Variants in TCF7L2 observed in about 807,000 individuals in gnomAD.
TCF7L2 encodes transcription factor 7-like 2.
A neutral mutation model predicts 77.9 loss-of-function variants in TCF7L2; 23 were observed. The observed-to-expected ratio is 0.30, with a 90% CI of 0.21 to 0.42. The LOEUF (loss-of-function observed/expected upper bound fraction) is 0.42. Ranked by LOEUF, TCF7L2 falls within the 10% of genes least tolerant of loss-of-function variation. TCF7L2 has a pLI of 1.00. For missense variants in TCF7L2, 654 were observed against 793.1 expected, an observed-to-expected ratio of 0.82 and a Z score of 2.11; for synonymous variants, 413 against 340.2, an observed-to-expected ratio of 1.21 and a Z score of -2.36.
intron 5 of TCF7L2, among the ~76,000 whole-genome samples, chr10:113,066,895 G>A (rs1365249021): frequency 6.6e-6 from 1 of 152,214 alleles, no homozygotes; most frequent in Non-Finnish European, 1.5e-5. Flanking sequence ...CCACATTCCA[G>A]TCTCACCTTA....
At chr10:113,125,261 C>G (rs2065400242) in intron 5 of TCF7L2, among the ~76,000 whole-genome samples, 1 of 150,870 alleles carries the variant, frequency 6.6e-6, no homozygotes, top group Non-Finnish European at 1.5e-5. Flanking sequence ...AAAAAGTCGT[C>G]TTTTTCTTTA....
At position 113,158,655 on chromosome 10, in the gene TCF7L2, CT is replaced by C. The variant is rs761045930; in HGVS notation, c.1318+594del. On this transcript the variant is annotated intron_variant, in intron 12 of 13. Coordinates refer to ENST00000627217, the MANE Select transcript of TCF7L2 (RefSeq NM_001146274.2). Reference sequence around the variant, plus strand: ...TTTTGAAGGCTTTGTATAATTTGTTCTTTTTTTTCAGAACACAGCGAATGTT... The same window carrying C: ...TTTTGAAGGCTTTGTATAATTTGTTCTTTTTTTCAGAACACAGCGAATGTT... The C allele has an allele frequency of 6.2e-7, 1 of 1,612,608 alleles. No individual in the cohort carries two copies. The highest frequency in any genetic ancestry group is 1.1e-5 in the South Asian group (1 of 90,896).
At chr10:113,014,297 G>A (rs1270980149) in intron 4 of TCF7L2, among the ~76,000 whole-genome samples, 1 of 152,186 alleles carries the variant, frequency 6.6e-6, no homozygotes, top group African/African-American at 2.4e-5. Context: ...GGGGGCTTCA[G>A]GGACCCATGA....
chr10:113,120,997 T>A (rs2064675056), intron 5 of TCF7L2, among the ~76,000 whole-genome samples: 1 of 152,172 alleles, frequency 6.6e-6, no homozygotes, highest in African/African-American at 2.4e-5. Flanking sequence ...TCTTCTAATC[T>A]AAGGAGTATT....
chr10:112,965,627 ATATG>A (rs1353222068), intron 4 of TCF7L2, among the ~76,000 whole-genome samples: 12 of 68,190 alleles, frequency 1.8e-4, no homozygotes, highest in South Asian at 8.7e-4. Context: ...GTGTGTGTGT[ATATG>A]TGTGTGTGTG....
intron 6 of TCF7L2, 73 bp from the exon 7 acceptor site, chr10:113,143,850 G>C: frequency 1.8e-6 from 2 of 1,114,448 alleles, no homozygotes; most frequent in Non-Finnish European, 2.7e-6. Context: ...TCCTTTCCCT[G>C]TTCCCATCCC....
At chr10:113,092,563 A>G (rs1462477625) in intron 5 of TCF7L2, among the ~76,000 whole-genome samples, 5 of 152,202 alleles carry the variant, frequency 3.3e-5, no homozygotes, top group Non-Finnish European at 5.9e-5. Context: ...ATTCACATGT[A>G]ACATTCCTAG....
chr10:113,038,349 G>A (rs1472616409), intron 4 of TCF7L2, among the ~76,000 whole-genome samples: 1 of 152,130 alleles, frequency 6.6e-6, no homozygotes, highest in African/African-American at 2.4e-5. Flanking sequence ...TGCTCACCAC[G>A]GGAGGCCTCT....
chr10:113,038,882 G>T (rs1295784221), intron 4 of TCF7L2, among the ~76,000 whole-genome samples: 1 of 152,116 alleles, frequency 6.6e-6, no homozygotes, highest in Admixed American at 6.5e-5. Flanking sequence ...AGTGTTCATT[G>T]AGTAAAGTTT....
At chr10:112,993,521 AAAG>A (rs1406861704) in intron 4 of TCF7L2, among the ~76,000 whole-genome samples, 1 of 152,038 alleles carries the variant, frequency 6.6e-6, no homozygotes, top group Non-Finnish European at 1.5e-5. Context: ...AAGAAAAAAA[AAAG>A]AAAATGCTTT....
At position 113,012,171 on chromosome 10, in the gene TCF7L2, C is replaced by T. The variant is rs72826080; in HGVS notation, c.451-27854C>T. Among the ~76,000 whole-genome samples, 1,052 of 152,292 alleles carry T rather than the reference C, an allele frequency of 6.9e-3. 7 individuals carry two copies. The highest frequency in any genetic ancestry group is 9.8e-3 in the Non-Finnish European group (670 of 68,034). On this transcript the variant is annotated intron_variant, in intron 4 of 13. Coordinates refer to ENST00000627217, the MANE Select transcript of TCF7L2 (RefSeq NM_001146274.2). ...AAATTCTAACGCCCAGGTCACATCC[C>T]ATTCCAACTAGATCAGAACATCTGG...
chr10:113,003,295 T>G (rs1302020877), intron 4 of TCF7L2, among the ~76,000 whole-genome samples: 1 of 152,196 alleles, frequency 6.6e-6, no homozygotes, highest in South Asian at 2.1e-4. Flanking sequence ...TTTTGATGCC[T>G]TCTCTTTGTG....
chr10:113,068,547 G>A (rs2057543583), intron 5 of TCF7L2, among the ~76,000 whole-genome samples: 2 of 152,142 alleles, frequency 1.3e-5, no homozygotes, highest in African/African-American at 2.4e-5. Flanking sequence ...TCGCAGAGAT[G>A]GACACCAGAA....
intron 5 of TCF7L2, among the ~76,000 whole-genome samples, chr10:113,125,222 T>G (rs1286561951): frequency 1.4e-5 from 2 of 145,842 alleles, no homozygotes; most frequent in African/African-American, 5.2e-5. Context: ...TCTGTTCTTT[T>G]TTTAAAAAGA....
chr10:113,019,829 G>T (rs1203181192), intron 4 of TCF7L2, among the ~76,000 whole-genome samples: 1 of 151,794 alleles, frequency 6.6e-6, no homozygotes, highest in East Asian at 1.9e-4. Flanking sequence ...ACTTCAGCCA[G>T]TCTTGACACC....
chr10:113,164,912 A>G (rs558999470), intron 13 of TCF7L2, among the ~76,000 whole-genome samples: 2 of 152,228 alleles, frequency 1.3e-5, no homozygotes, highest in Middle Eastern at 3.4e-3. Flanking sequence ...CAGCAGCCTC[A>G]TGGTGGTGGT....
intron 4 of TCF7L2, among the ~76,000 whole-genome samples, chr10:112,967,377 T>A (rs905053075): frequency 6.6e-6 from 1 of 152,194 alleles, no homozygotes; most frequent in Non-Finnish European, 1.5e-5. Flanking sequence ...ATACGACTCA[T>A]ACTCTTTTCC....
rs771431397 is a variant in TCF7L2, at chr10:113,158,088, G to A, written c.1318+19G>A. On this transcript the variant is annotated intron_variant, in intron 12 of 13. Transcript: ENST00000627217. ...ACCAATGGTAAGTGACAATCATCAG[G>A]TTAGAGGAAGGAGCTGTAGCCTGAG... 1.9e-6 allele frequency: 3 copies of A among 1,588,536 alleles called. No homozygotes were observed. The highest frequency in any genetic ancestry group is 2.6e-6 in the Non-Finnish European group (3 of 1,166,300).
At chr10:112,971,096 T>C (rs761619149) in intron 4 of TCF7L2, among the ~76,000 whole-genome samples, 4 of 152,212 alleles carry the variant, frequency 2.6e-5, no homozygotes, top group Non-Finnish European at 5.9e-5. Flanking sequence ...GAAAAATATT[T>C]GCATCTAATG....
Sources: gnomAD v4.1 joint callset for allele counts (sites outside exome capture counted in the v4.1 genomes callset) on GRCh38, gnomAD v4.1.1 for gene constraint, MANE v1.5 for transcripts, NCBI Gene and HGNC (gene_info 2026-07-23, HGNC 2026-07-21) for gene names.